Variants in LCA5 observed in about 807,000 individuals in gnomAD.
LCA5 encodes lebercilin.
In LCA5, 37 loss-of-function variants were observed where a neutral mutation model predicts 53.0. The ratio of observed to expected loss-of-function variants is 0.70; its 90% confidence interval spans 0.54 to 0.92. The LOEUF (loss-of-function observed/expected upper bound fraction) is 0.92, where lower values mean the gene tolerates loss of function less well. Ranked by LOEUF, LCA5 falls within the 40% of genes least tolerant of loss-of-function variation. The pLI is 0.00. For synonymous variants in LCA5, 303 were observed against 282.9 expected, an observed-to-expected ratio of 1.07 and a Z score of -0.71; for missense variants, 806 against 790.5, an observed-to-expected ratio of 1.02 and a Z score of -0.23.
At chr6:79,521,628 T>TA (rs1315911429) in intron 1 of LCA5, among the ~76,000 whole-genome samples, 2 of 152,168 alleles carry the variant, frequency 1.3e-5, no homozygotes, top group Admixed American at 6.5e-5. Flanking sequence ...TGAGTGTCAG[T>TA]ATGAATTTAT....
At chr6:79,515,588 T>C (rs909197867) in intron 2 of LCA5, among the ~76,000 whole-genome samples, 2 of 152,082 alleles carry the variant, frequency 1.3e-5, no homozygotes, top group Non-Finnish European at 2.9e-5. Context: ...ATAATGATCT[T>C]TAATCTACAT....
At chr6:79,488,480 T>G (rs2127666560) in intron 7 of LCA5, 1 of 154,092 alleles carries the variant, frequency 6.5e-6, no homozygotes, top group South Asian at 2.0e-4. Context: ...ATTCATGATC[T>G]TGTACCAGAG....
At chr6:79,497,843 C>T (rs1003527297) in intron 3 of LCA5, among the ~76,000 whole-genome samples, 6 of 151,318 alleles carry the variant, frequency 4.0e-5, no homozygotes, top group Non-Finnish European at 5.9e-5. Context: ...CGTTGTGGTG[C>T]GCACCTGTAA....
chr6:79,492,498 A>G, intron 5 of LCA5, 53 bp downstream of exon 5: 1 of 824,950 alleles, frequency 1.2e-6, no homozygotes, highest in Non-Finnish European at 2.0e-6. Flanking sequence ...TTATTGTACT[A>G]TCACTAAATA....
Position 79,513,622 on chromosome 6 carries a change from T to C in LCA5, c.310A>G (p.Ile104Val). The stretch of plus-strand genomic sequence containing the variant: ...ATTTTTAGCAGTCTTGCAGACAGAA[T>C]CCGTTTTGTAACAAGATCAGTATCT... ...RKDTDLVTKR[I>V]LSARLLKINE... Residue 104 changes from isoleucine (I) to valine (V), a missense_variant, in exon 3 of 8, where the codon ATT becomes GTT. Physicochemically the swap from Ile to Val is conservative, Grantham distance 29 (BLOSUM62 3). Coordinates refer to ENST00000369846, the MANE Select transcript of LCA5 (RefSeq NM_001122769.3). 1.2e-6 allele frequency: 2 copies of C among 1,613,940 alleles called. No individual in the cohort carries two copies. The highest frequency in any genetic ancestry group is 1.7e-4 in the Middle Eastern group (1 of 6,056).
chr6:79,537,685 T>C (rs1767198098), upstream of LCA5, among the ~76,000 whole-genome samples: 1 of 151,944 alleles, frequency 6.6e-6, no homozygotes, highest in South Asian at 2.1e-4. Flanking sequence ...CGTCGTGGGC[T>C]CCGAGAGGGA....
intron 3 of LCA5, among the ~76,000 whole-genome samples, chr6:79,495,002 C>G (rs747789217): frequency 6.6e-6 from 1 of 152,238 alleles, no homozygotes; most frequent in African/African-American, 2.4e-5. Flanking sequence ...AACCCCTGGG[C>G]TGCAGACTGC....
chr6:79,536,608 T>C (rs1767131886), intron 1 of LCA5, among the ~76,000 whole-genome samples: 2 of 152,196 alleles, frequency 1.3e-5, no homozygotes, highest in African/African-American at 4.8e-5. Context: ...ACTCCTCTCA[T>C]CCCATCCCTG....
upstream of LCA5, among the ~76,000 whole-genome samples, chr6:79,538,029 T>TG (rs1767209685): frequency 5.2e-5 from 5 of 96,434 alleles, no homozygotes; most frequent in Admixed American, 9.2e-5. Context: ...TTTTTTTTTT[T>TG]TTTTTTTTTT....
chr6:79,497,979 A>T (rs1311599543), intron 3 of LCA5, among the ~76,000 whole-genome samples: 3 of 151,012 alleles, frequency 2.0e-5, no homozygotes, highest in Non-Finnish European at 4.4e-5. Context: ...AAAAAGAAAG[A>T]TATGATTAAG....
At chr6:79,490,672 A>G (rs1403466876) in intron 6 of LCA5, among the ~76,000 whole-genome samples, 1 of 152,114 alleles carries the variant, frequency 6.6e-6, no homozygotes, top group East Asian at 1.9e-4. Flanking sequence ...GAATTATCAA[A>G]CAAAAATAAA....
chr6:79,513,359 A>G lies in LCA5; in HGVS notation c.573T>C (p.Asp191=). 3.1e-6 allele frequency: 5 copies of G among 1,613,832 alleles called. No homozygotes were observed. Among genetic ancestry groups the G allele is most frequent in the Non-Finnish European group, 3.4e-6 (4 of 1,179,894 alleles). Residue 191 remains aspartate, a synonymous_variant, in exon 3 of 8, where the codon GAT becomes GAC. Coordinates refer to ENST00000369846, the MANE Select transcript of LCA5 (RefSeq NM_001122769.3). ...TTGTCCTAAATAGTTCACTTTCTGT[A>G]TCTTTTACCCTTTTCTCAGTTGCCC... is the stretch of plus-strand genomic sequence containing the variant. ...KERATEKRVK[D]TESELFRTKF...
intron 3 of LCA5, among the ~76,000 whole-genome samples, chr6:79,502,202 T>G (rs985160546): frequency 2.8e-4 from 43 of 152,166 alleles, no homozygotes; most frequent in African/African-American, 1.0e-3. Context: ...AGCTCTGGAA[T>G]CACATTTGCA....
In LCA5 at chr6:79,487,666, G is replaced by T; in HGVS notation, c.1432C>A (p.Leu478Ile). ...TATTTTAGATTTCGAGAATCTTGGA[G>T]TTCTCTGTCAATTTCATTCAGTTTA... ...LAKLNEIDRE[L>I]QDSRNLKYPV... Residue 478 changes from leucine (L) to isoleucine (I), a missense_variant, in exon 8 of 8, where the codon CTC (leucine) becomes ATC (isoleucine). Transcript: ENST00000369846. 1 of 1,613,842 alleles carries T rather than the reference G, an allele frequency of 6.2e-7. No individual in the cohort carries two copies. Among genetic ancestry groups the T allele is most frequent in the Non-Finnish European group, 8.5e-7 (1 of 1,179,798 alleles).
intron 3 of LCA5, among the ~76,000 whole-genome samples, chr6:79,494,689 T>C (rs1562097388): frequency 2.0e-5 from 3 of 152,340 alleles, no homozygotes; most frequent in South Asian, 2.1e-4. Flanking sequence ...TAAGTCAATA[T>C]ACTGTAATAA....
intron 1 of LCA5, among the ~76,000 whole-genome samples, chr6:79,536,229 A>AAT (rs1298187908): frequency 6.6e-6 from 1 of 152,220 alleles, no homozygotes; most frequent in Non-Finnish European, 1.5e-5. Context: ...CATAGATTAA[A>AAT]ATAACCATGC....
chr6:79,515,892 TA>T (rs1460239696), intron 2 of LCA5, among the ~76,000 whole-genome samples: 1 of 152,050 alleles, frequency 6.6e-6, no homozygotes, highest in Non-Finnish European at 1.5e-5. Context: ...AGGGAGTGCT[TA>T]ATTATTGCAA....
chr6:79,527,742 C>G (rs1257944018), intron 1 of LCA5, among the ~76,000 whole-genome samples: 1 of 152,148 alleles, frequency 6.6e-6, no homozygotes, highest in Non-Finnish European at 1.5e-5. Flanking sequence ...TCACCATTAA[C>G]AATCCAGCCA....
intron 3 of LCA5, among the ~76,000 whole-genome samples, chr6:79,503,173 C>A (rs997477159): frequency 6.6e-6 from 1 of 152,206 alleles, no homozygotes; most frequent in African/African-American, 2.4e-5. Context: ...TGAGCTACTG[C>A]ACCCGGCCAT....
Sources: gnomAD v4.1 joint callset for allele counts (sites outside exome capture counted in the v4.1 genomes callset) on GRCh38, gnomAD v4.1.1 for gene constraint, MANE v1.5 for transcripts, NCBI Gene and HGNC (gene_info 2026-07-23, HGNC 2026-07-21) for gene names.